HOATZ: variants seen among roughly 807,000 people sequenced by gnomAD.
HOATZ encodes cilia- and flagella-associated protein HOATZ.
In HOATZ, 26 loss-of-function variants were observed where a neutral mutation model predicts 24.9. The ratio of observed to expected loss-of-function variants is 1.04; its 90% CI spans 0.76 to 1.45. The LOEUF is 1.45. HOATZ is among the 40% of genes most tolerant of loss of function. HOATZ has a pLI of 0.00. For missense variants in HOATZ, 226 were observed against 201.5 expected (o/e 1.12, Z -0.74); for synonymous variants, 83 against 76.6 (o/e 1.08, Z -0.43).
intron 3 of HOATZ, chr11:111,524,815 T>G (rs1162386944): frequency 2.4e-6 from 1 of 421,164 alleles, no homozygotes; most frequent in African/African-American, 2.1e-5. Context: ...TTATTGTTGA[T>G]ATAAACTTTG....
At chr11:111,524,135 G>A (rs983404409) in intron 3 of HOATZ, among the ~76,000 whole-genome samples, 3 of 152,206 alleles carry the variant, frequency 2.0e-5, no homozygotes, top group Non-Finnish European at 2.9e-5. Context: ...CCAGTTCCTT[G>A]AGCTAGATGT....
intron 3 of HOATZ, among the ~76,000 whole-genome samples, chr11:111,520,494 T>C (rs1867257129): frequency 6.6e-6 from 1 of 152,168 alleles, no homozygotes; most frequent in African/African-American, 2.4e-5. Context: ...ATCTGTTCTA[T>C]TACACATTCT....
rs893161157 is a variant in HOATZ at position 111,534,269 on chromosome 11, G to A, written c.400-143G>A. ...TCTCTAATGTGCAACATTTCTGACC[G>A]ACCCCACAGTTTCCAGATTTAAGAA... On this transcript the variant is annotated intron_variant, in intron 4 of 5. Transcript: ENST00000375618. 12 of 626,062 alleles carry A rather than the reference G, an allele frequency of 1.9e-5. 1 individual carries two copies. Among genetic ancestry groups the A allele is most frequent in the South Asian group, 6.7e-5 (3 of 44,784 alleles). The allele number at this position is 626,062 out of a possible 1,614,324, so 38.8% of individuals were successfully genotyped here.
chr11:111,520,595 G>A (rs985815091), intron 3 of HOATZ, among the ~76,000 whole-genome samples: 2 of 152,186 alleles, frequency 1.3e-5, no homozygotes, highest in African/African-American at 4.8e-5. Context: ...GCTACAATGA[G>A]AACATTACAG....
chr11:111,528,338 C>CA (rs934667288), intron 3 of HOATZ, among the ~76,000 whole-genome samples: 6 of 151,114 alleles, frequency 4.0e-5, no homozygotes, highest in African/African-American at 7.3e-5. Context: ...GACCCTGTCT[C>CA]AAAAAAAAGA....
intron 4 of HOATZ, 32 bp from the exon 5 acceptor site, chr11:111,534,380 A>G (rs1360284385): frequency 9.1e-6 from 14 of 1,542,528 alleles, no homozygotes; most frequent in Non-Finnish European, 1.3e-5. Flanking sequence ...GTAAAATTTT[A>G]CCTTTTTGAT....
intron 3 of HOATZ, among the ~76,000 whole-genome samples, chr11:111,523,493 G>T (rs1867295371): frequency 6.6e-6 from 1 of 152,120 alleles, no homozygotes; most frequent in African/African-American, 2.4e-5. Context: ...AGGAGCAATG[G>T]TTTAGTATTC....
At chr11:111,528,797 A>G (rs1037986785) in intron 3 of HOATZ, among the ~76,000 whole-genome samples, 3 of 152,028 alleles carry the variant, frequency 2.0e-5, no homozygotes, top group African/African-American at 7.2e-5. Context: ...TGAAGAAACC[A>G]TTCTGTCACT....
At chr11:111,522,896 A>G (rs940119907) in intron 3 of HOATZ, among the ~76,000 whole-genome samples, 3 of 152,140 alleles carry the variant, frequency 2.0e-5, no homozygotes, top group Non-Finnish European at 4.4e-5. Context: ...GACCAGGCTG[A>G]CCAACATGGT....
At chr11:111,530,374 A>G (rs1300413183) in intron 3 of HOATZ, among the ~76,000 whole-genome samples, 1 of 152,242 alleles carries the variant, frequency 6.6e-6, no homozygotes, top group Non-Finnish European at 1.5e-5. Flanking sequence ...CTACTAATAC[A>G]TATTGCCACT....
At position 111,536,768 on chromosome 11, in the gene HOATZ, A is replaced by G. The variant is rs1800255921; in HGVS notation, c.453-2A>G. The G allele has an allele frequency of 6.2e-7, 1 of 1,611,718 alleles. No individual in the cohort carries two copies. Among genetic ancestry groups the G allele is most frequent in the Non-Finnish European group, 8.5e-7 (1 of 1,177,910 alleles). Reference sequence around the variant, plus strand: ...GGAACTGACTGATATTACTACCAACAGGAAAGTGGTATCAGAGTCAGATAA... The same window carrying G: ...GGAACTGACTGATATTACTACCAACGGGAAAGTGGTATCAGAGTCAGATAA... On this transcript the variant is annotated splice_acceptor_variant, in intron 5 of 5. Transcript: ENST00000375618. LOFTEE classifies it high-confidence loss of function.
At chr11:111,522,654 C>T (rs1867282615) in intron 3 of HOATZ, among the ~76,000 whole-genome samples, 1 of 152,128 alleles carries the variant, frequency 6.6e-6, no homozygotes, top group African/African-American at 2.4e-5. Flanking sequence ...TTGACTCTTC[C>T]CAAGCCACTT....
intron 2 of HOATZ, 128 bp downstream of exon 2, chr11:111,515,680 C>A: frequency 3.9e-6 from 3 of 762,478 alleles, no homozygotes; most frequent in South Asian, 3.3e-5. Flanking sequence ...AGTCCCTGCT[C>A]AGGGACCACC....
intron 4 of HOATZ, 45 bp downstream of exon 4, chr11:111,533,850 G>A: frequency 1.4e-6 from 2 of 1,402,466 alleles, no homozygotes; most frequent in South Asian, 1.4e-5. Context: ...CTGAGTGGAT[G>A]AATTGTGGCA....
rs144671752 is a variant in HOATZ, at chr11:111,530,487, T to C, written c.340-3259T>C. The stretch of plus-strand genomic sequence containing the variant: ...CCATCTATAACACATTAAATGTATA[T>C]GTTATATCACATCCTAATTTTCTGG... On this transcript the variant is annotated intron_variant, in intron 3 of 5. Transcript: ENST00000375618. Among the ~76,000 whole-genome samples, 549 of 152,316 alleles carry C rather than the reference T, an allele frequency of 3.6e-3. 3 individuals carry two copies. The highest frequency in any genetic ancestry group is 5.9e-3 in the Non-Finnish European group (398 of 68,024).
intron 1 of HOATZ, 30 bp from the exon 2 acceptor site, chr11:111,515,481 A>G: frequency 6.3e-7 from 1 of 1,597,680 alleles, no homozygotes; most frequent in African/African-American, 1.3e-5. Context: ...TTTTCCAATG[A>G]TTTCTTTACT....
chr11:111,534,096 G>A (rs1177058361), intron 4 of HOATZ, among the ~76,000 whole-genome samples: 1 of 152,150 alleles, frequency 6.6e-6, no homozygotes, highest in Admixed American at 6.5e-5. Context: ...GGCTATTTCA[G>A]TGCTAATATT....
chr11:111,523,446 TTGA>T (rs1867294613), intron 3 of HOATZ, among the ~76,000 whole-genome samples: 1 of 152,332 alleles, frequency 6.6e-6, no homozygotes, highest in South Asian at 2.1e-4. Flanking sequence ...TATTGTTCTA[TTGA>T]TGAAGCATTA....
At chr11:111,519,914 G>T (rs1017730937) in intron 3 of HOATZ, among the ~76,000 whole-genome samples, 3 of 152,086 alleles carry the variant, frequency 2.0e-5, no homozygotes, top group Admixed American at 1.3e-4. Flanking sequence ...TTTTTCAGTT[G>T]TTACAGTTTT....
Sources: gnomAD v4.1 joint callset for allele counts (sites outside exome capture counted in the v4.1 genomes callset) on GRCh38, gnomAD v4.1.1 for gene constraint, MANE v1.5 for transcripts, NCBI Gene and HGNC (gene_info 2026-07-23, HGNC 2026-07-21) for gene names.